Variants in PRKG1 observed in about 807,000 individuals in gnomAD.
PRKG1 encodes protein kinase cGMP-dependent 1, also known as cGMP-dependent protein kinase 1.
In PRKG1, 35 loss-of-function variants were observed where a neutral mutation model predicts 88.1. That is an observed-to-expected ratio of 0.40 (90% CI 0.30 to 0.53). PRKG1 has a LOEUF of 0.53. Among genes scored for constraint, PRKG1 ranks in the 20% least tolerant of loss-of-function variants. The probability of loss-of-function intolerance (pLI) is 0.59; values close to 1 mark genes in which losing one functional copy is unlikely to be tolerated. For synonymous variants in PRKG1, 303 were observed against 292.5 expected (o/e 1.04, Z -0.37); for missense variants, 540 against 839.8 (o/e 0.64, Z 4.41).
intron 5 of PRKG1, among the ~76,000 whole-genome samples, chr10:52,016,102 T>G (rs1272357530): frequency 1.3e-5 from 2 of 152,240 alleles, no homozygotes; most frequent in African/African-American, 4.8e-5. Context: ...TTTCACATTT[T>G]TAGGCATCTT....
chr10:52,127,985 A>G, intron 7 of PRKG1: 1 of 955,462 alleles, frequency 1.0e-6, no homozygotes. Flanking sequence ...CTTGTTTATA[A>G]TTAATTTATT....
chr10:51,770,752 C>T (rs1186849793), intron 3 of PRKG1, among the ~76,000 whole-genome samples: 1 of 152,186 alleles, frequency 6.6e-6, no homozygotes, highest in Non-Finnish European at 1.5e-5. Context: ...GAAACCATCC[C>T]CTACAGCCCC....
chr10:51,328,285 A>G (rs1185447979), intron 2 of PRKG1, among the ~76,000 whole-genome samples: 2 of 152,164 alleles, frequency 1.3e-5, no homozygotes, highest in Non-Finnish European at 2.9e-5. Flanking sequence ...AGGTTCATCC[A>G]TGTTGTCTCA....
At chr10:51,461,725 C>T (rs1475040634) in intron 2 of PRKG1, among the ~76,000 whole-genome samples, 2 of 152,150 alleles carry the variant, frequency 1.3e-5, no homozygotes, top group Non-Finnish European at 2.9e-5. Context: ...ACAGTGGGGT[C>T]ATCCTTTTCC....
intron 9 of PRKG1, among the ~76,000 whole-genome samples, chr10:52,215,626 A>T (rs1178771916): frequency 1.3e-5 from 2 of 152,150 alleles, no homozygotes; most frequent in Non-Finnish European, 2.9e-5. Flanking sequence ...ACATGTTTCA[A>T]AGTGAAACAA....
intron 5 of PRKG1, among the ~76,000 whole-genome samples, chr10:51,961,929 C>T (rs553819668): frequency 5.4e-4 from 82 of 152,126 alleles, no homozygotes; most frequent in Non-Finnish European, 9.1e-4. Flanking sequence ...AAATTGTTCC[C>T]CAGTTAAATA....
At chr10:51,395,296 C>T (rs944783334) in intron 2 of PRKG1, among the ~76,000 whole-genome samples, 20 of 152,328 alleles carry the variant, frequency 1.3e-4, no homozygotes, top group African/African-American at 4.3e-4. Context: ...ACCTGTTACA[C>T]TTATTTCTCA....
chr10:51,198,150 G>T (rs1480681557), intron 2 of PRKG1, among the ~76,000 whole-genome samples: 1 of 152,146 alleles, frequency 6.6e-6, no homozygotes, highest in Non-Finnish European at 1.5e-5. Flanking sequence ...GGGCAGGATA[G>T]TTGGGGTACT....
chr10:51,730,422 AT>A (rs1442087934), intron 3 of PRKG1, among the ~76,000 whole-genome samples: 8 of 152,338 alleles, frequency 5.3e-5, no homozygotes, highest in African/African-American at 1.9e-4. Context: ...GAAATAACGC[AT>A]TTTAGACTTT....
At chr10:52,261,876 T>C (rs754829909) in intron 10 of PRKG1, among the ~76,000 whole-genome samples, 22 of 152,152 alleles carry the variant, frequency 1.4e-4, no homozygotes, top group Non-Finnish European at 2.9e-4. Flanking sequence ...ATTTGTAGGA[T>C]AGAAGCTTTC....
At chr10:51,234,627 A>T (rs1167592705) in intron 2 of PRKG1, among the ~76,000 whole-genome samples, 1 of 152,168 alleles carries the variant, frequency 6.6e-6, no homozygotes, top group Admixed American at 6.5e-5. Context: ...GGAAGACAAA[A>T]TAATTTTCTT....
intron 3 of PRKG1, among the ~76,000 whole-genome samples, chr10:51,645,048 CTGA>C (rs1294214984): frequency 2.6e-5 from 4 of 152,142 alleles, no homozygotes; most frequent in Admixed American, 6.6e-5. Context: ...TCTCAAACTC[CTGA>C]TATCAAGTGA....
intron 3 of PRKG1, among the ~76,000 whole-genome samples, chr10:51,687,011 C>G (rs966251914): frequency 6.6e-6 from 1 of 152,168 alleles, no homozygotes; most frequent in Non-Finnish European, 1.5e-5. Context: ...GCTGGGATTA[C>G]AGGCATATAT....
intron 2 of PRKG1, among the ~76,000 whole-genome samples, chr10:51,215,666 A>G (rs1838353200): frequency 6.6e-6 from 1 of 152,164 alleles, no homozygotes; most frequent in Non-Finnish European, 1.5e-5. Flanking sequence ...TAAAACAGTC[A>G]TTGATCAACA....
intron 4 of PRKG1, among the ~76,000 whole-genome samples, chr10:51,845,976 AT>A (rs944852443): frequency 6.6e-6 from 1 of 152,102 alleles, no homozygotes; most frequent in African/African-American, 2.4e-5. Flanking sequence ...TGGATTTACT[AT>A]TGTTTTTCAC....
intron 7 of PRKG1, among the ~76,000 whole-genome samples, chr10:52,106,628 C>T (rs1222952693): frequency 2.0e-5 from 3 of 151,172 alleles, no homozygotes; most frequent in South Asian, 2.1e-4. Context: ...TGAGTTATTC[C>T]GGGAGGTGGA....
intron 2 of PRKG1, among the ~76,000 whole-genome samples, chr10:51,316,751 C>T (rs558491287): frequency 2.6e-4 from 39 of 152,020 alleles, no homozygotes; most frequent in Admixed American, 1.4e-3. Context: ...TTATTACGGA[C>T]GCCTTAAAAA....
At chr10:51,558,812 T>C (rs977303470) in intron 3 of PRKG1, among the ~76,000 whole-genome samples, 2 of 152,090 alleles carry the variant, frequency 1.3e-5, no homozygotes, top group African/African-American at 2.4e-5. Context: ...GATAAAAATC[T>C]CTGTCTTGTC....
intron 10 of PRKG1, among the ~76,000 whole-genome samples, chr10:52,269,128 T>A (rs146527908): frequency 1.3e-3 from 197 of 152,154 alleles, no homozygotes; most frequent in African/African-American, 4.5e-3. Flanking sequence ...ATAGTAGGCA[T>A]TTTTGAACAA....
Sources: allele counts gnomAD v4.1 joint callset (sites outside exome capture counted in the v4.1 genomes callset), GRCh38; gene constraint gnomAD v4.1.1; transcripts MANE v1.5; gene names NCBI Gene and HGNC (gene_info 2026-07-23, HGNC 2026-07-21).